Variants in EYS observed in about 807,000 individuals in gnomAD.
The protein encoded by EYS is EGF-like photoreceptor maintenance factor.
EYS carries 250 observed loss-of-function variants against 282.1 expected under a neutral mutation model. The ratio of observed to expected loss-of-function variants is 0.89; its 90% CI spans 0.80 to 0.98. EYS has a LOEUF of 0.98. Among genes scored for constraint, EYS ranks in the 50% least tolerant of loss-of-function variants. The pLI, the probability that EYS is intolerant of heterozygous loss-of-function variation, is 0.00. For missense variants in EYS, 4,016 were observed against 3,709.0 expected (o/e 1.08, Z -2.15); for synonymous variants, 1,355 against 1,282.9 (o/e 1.06, Z -1.20).
intron 12 of EYS, among the ~76,000 whole-genome samples, chr6:65,116,026 C>G (rs16896267): frequency 0.27 from 39,760 of 149,842 alleles, 6,413 homozygotes; most frequent in African/African-American, 0.45. Context: ...TTTCTGTCCT[C>G]ATGAGTATTT....
intron 12 of EYS, among the ~76,000 whole-genome samples, chr6:65,191,798 T>C (rs1765648105): frequency 6.6e-6 from 1 of 151,852 alleles, no homozygotes; most frequent in South Asian, 2.1e-4. Context: ...CATGTATGTA[T>C]CTGGGGATGC....
In EYS at chr6:65,448,559, A is replaced by G. The variant is rs78514855; in HGVS notation, c.862+42035T>C. On this transcript the variant is annotated intron_variant, in intron 5 of 42. Coordinates refer to ENST00000503581, the MANE Select transcript of EYS (RefSeq NM_001142800.2). The stretch of plus-strand genomic sequence containing the variant: ...ATTAGAACATGTCCTTATTCTATTA[A>G]CACTTTTTTATGGCCTTCAAAGATA... Among the ~76,000 whole-genome samples, 799 of 152,114 alleles carry G rather than the reference A, an allele frequency of 5.3e-3. 7 individuals carry two copies. The highest frequency in any genetic ancestry group is 0.02 in the Middle Eastern group (6 of 294).
rs370467481 is a variant in EYS at position 65,688,518 on chromosome 6, C to A, written c.-448+18617G>T. The stretch of plus-strand genomic sequence containing the variant: ...TAGGCAATACCATTCAGGACATAGG[C>A]ATGGGGAAGGACACCAAAAGCGATG... On this transcript the variant is annotated intron_variant, in intron 1 of 42. Transcript: ENST00000503581. Among the ~76,000 whole-genome samples, 4 of 151,994 alleles carry A rather than the reference C, an allele frequency of 2.6e-5. No individual in the cohort carries two copies. In the East Asian group the frequency reaches 5.8e-4, roughly 22 times the overall value.
intron 26 of EYS, among the ~76,000 whole-genome samples, chr6:64,574,121 TTGCAGGG>T (rs1765806617): frequency 6.6e-6 from 1 of 152,176 alleles, no homozygotes; most frequent in African/African-American, 2.4e-5. Flanking sequence ...TTCATGTCCT[TTGCAGGG>T]GCATGGATGA....
At chr6:64,347,811 A>C (rs942599055) in intron 29 of EYS, among the ~76,000 whole-genome samples, 1 of 151,198 alleles carries the variant, frequency 6.6e-6, no homozygotes, top group African/African-American at 2.4e-5. Context: ...AAACTCACTC[A>C]ACTGTGTCGT....
At chr6:65,570,479 C>T (rs1764440850) in intron 2 of EYS, among the ~76,000 whole-genome samples, 1 of 152,084 alleles carries the variant, frequency 6.6e-6, no homozygotes, top group South Asian at 2.1e-4. Flanking sequence ...ATGAAAAATG[C>T]AGAGTTACTA....
At chr6:65,207,465 A>G (rs1487316092) in intron 12 of EYS, among the ~76,000 whole-genome samples, 1 of 151,844 alleles carries the variant, frequency 6.6e-6, no homozygotes, top group Non-Finnish European at 1.5e-5. Context: ...AAAGCAGTCT[A>G]CAGATTGAAT....
rs1767687776 is a variant in EYS at position 64,902,171 on chromosome 6, T to C, written c.2788A>G (p.Asn930Asp). The change falls in exon 18 of 43, where the codon AAT becomes GAT. Residue 930 changes from asparagine to aspartate, a missense_variant. Coordinates refer to ENST00000503581, the MANE Select transcript of EYS (RefSeq NM_001142800.2). ...FSGSLCEIEINECSSEPCKNN... is the reference protein window; with the variant it reads ...FSGSLCEIEIDECSSEPCKNN... Reference sequence around the variant, plus strand: ...TTGCAAGGTTCAGAGGAACATTCATTAATTTCAATTTCACACAGAGATCCA... The same window carrying C: ...TTGCAAGGTTCAGAGGAACATTCATCAATTTCAATTTCACACAGAGATCCA... 4.5e-6 allele frequency: 7 copies of C among 1,550,670 alleles called. No homozygotes were observed. The South Asian group carries it at 8.3e-5, about 18-fold the overall frequency.
chr6:65,044,873 G>T (rs952825355), intron 13 of EYS, among the ~76,000 whole-genome samples: 5 of 151,832 alleles, frequency 3.3e-5, no homozygotes, highest in African/African-American at 1.2e-4. Flanking sequence ...CATTCTGGGA[G>T]CCTCAAATTG....
chr6:64,847,571 G>A (rs376637562), intron 19 of EYS, among the ~76,000 whole-genome samples: 5 of 151,962 alleles, frequency 3.3e-5, no homozygotes, highest in African/African-American at 1.2e-4. Flanking sequence ...ATAATGTCTT[G>A]TAAGTCCATC....
intron 2 of EYS, among the ~76,000 whole-genome samples, chr6:65,531,247 ATTTATCTCTTAAAGGAAATGGC>A (rs1767758838): frequency 6.6e-6 from 1 of 152,138 alleles, no homozygotes; most frequent in South Asian, 2.1e-4. Flanking sequence ...ATAAACAGGC[ATTTATCTCTTAAAGGAAATGGC>A]TTTAAGAGGC....
At chr6:65,196,747 G>T (rs564428349) in intron 12 of EYS, among the ~76,000 whole-genome samples, 1 of 152,208 alleles carries the variant, frequency 6.6e-6, no homozygotes, top group East Asian at 1.9e-4. Flanking sequence ...TATTATTGTC[G>T]TTTGAATAGA....
chr6:64,432,903 A>G (rs147121083), intron 28 of EYS, among the ~76,000 whole-genome samples: 1 of 152,132 alleles, frequency 6.6e-6, no homozygotes, highest in African/African-American at 2.4e-5. Flanking sequence ...AGCTATAGTT[A>G]ATTTCTCACT....
rs143788830 is a variant in EYS at position 63,951,685 on chromosome 6, G to C, written c.7055+32698C>G. Among the ~76,000 whole-genome samples the C allele has an allele frequency of 2.2e-3, 333 of 152,118 alleles. 2 individuals are homozygous for C. Among genetic ancestry groups the C allele is most frequent in the Non-Finnish European group, 3.6e-3 (242 of 67,992 alleles). On this transcript the variant is annotated intron_variant, in intron 35 of 42. Transcript: ENST00000503581. Reference sequence around the variant, plus strand: ...CACACCTGGTCTGGCTTACAGTTTTGTTCCACGACTAGCCCTTCCCTACCT... The same window carrying C: ...CACACCTGGTCTGGCTTACAGTTTTCTTCCACGACTAGCCCTTCCCTACCT...
At chr6:65,462,323 G>A (rs920600325) in intron 5 of EYS, among the ~76,000 whole-genome samples, 5 of 152,000 alleles carry the variant, frequency 3.3e-5, no homozygotes, top group African/African-American at 1.2e-4. Context: ...GAGTGTGGCT[G>A]CACAGGGATA....
chr6:64,968,633 T>A (rs899735947), intron 14 of EYS, among the ~76,000 whole-genome samples: 6 of 152,186 alleles, frequency 3.9e-5, no homozygotes, highest in Non-Finnish European at 8.8e-5. Context: ...ACCCTCAATT[T>A]GGCTTCCAAA....
At chr6:64,254,536 T>G (rs1183055090) in intron 30 of EYS, among the ~76,000 whole-genome samples, 2 of 152,002 alleles carry the variant, frequency 1.3e-5, no homozygotes, top group African/African-American at 4.8e-5. Context: ...AGAATAATAT[T>G]CATTCTTGTC....
chr6:65,045,739 A>G (rs1359938649), intron 13 of EYS, among the ~76,000 whole-genome samples: 1 of 151,746 alleles, frequency 6.6e-6, no homozygotes, highest in Non-Finnish European at 1.5e-5. Flanking sequence ...TAAGATATGG[A>G]CTCTGAAATA....
At chr6:64,176,663 ACTT>A (rs1764645882) in intron 31 of EYS, among the ~76,000 whole-genome samples, 1 of 152,064 alleles carries the variant, frequency 6.6e-6, no homozygotes, top group Non-Finnish European at 1.5e-5. Flanking sequence ...TGGAAAAAAA[ACTT>A]CTAAATTCTC....
Sources: gnomAD v4.1 joint callset for allele counts (sites outside exome capture counted in the v4.1 genomes callset) on GRCh38, gnomAD v4.1.1 for gene constraint, MANE v1.5 for transcripts, NCBI Gene and HGNC (gene_info 2026-07-23, HGNC 2026-07-21) for gene names.